The following TJP1 variants were observed in gnomAD, a reference collection of about 807,000 sequenced individuals.
The protein encoded by TJP1 is tight junction protein ZO-1.
Under a neutral mutation model 194.2 loss-of-function variants are expected in TJP1, and 43 were observed. The observed-to-expected ratio is 0.22, with a 90% confidence interval of 0.17 to 0.29. The LOEUF is 0.29. Among genes scored for constraint, TJP1 ranks in the 10% least tolerant of loss-of-function variants. The pLI is 1.00. For synonymous variants in TJP1, 801 were observed against 779.0 expected, an observed-to-expected ratio of 1.03 and a Z score of -0.47; for missense variants, 1,971 against 2,185.7, an observed-to-expected ratio of 0.90 and a Z score of 1.96.
chr15:29,864,287 T>C (rs2052221233), intron 2 of TJP1, among the ~76,000 whole-genome samples: 2 of 138,634 alleles, frequency 1.4e-5, no homozygotes, highest in Admixed American at 1.5e-4. Context: ...GGTGTGTGCC[T>C]GTAATCCCAG....
Position 29,719,193 on chromosome 15 carries a change from T to C in TJP1, c.3004-55A>G, listed in dbSNP as rs909479589. 6.8e-6 allele frequency: 10 copies of C among 1,468,560 alleles called. No individual in the cohort carries two copies. In the African/African-American group the frequency reaches 1.3e-4, roughly 19 times the overall value. The allele number at this position is 1,468,560 out of a possible 1,614,324, so 91.0% of individuals were successfully genotyped here. On this transcript the variant is annotated intron_variant, in intron 20 of 27. Coordinates refer to ENST00000614355, the MANE Select transcript of TJP1 (RefSeq NM_001330239.4). ...AGTCTTGTTTCTAATTCTAGTCTAT[T>C]TTATTAGACTGTGATTAAATATTAA...
At chr15:29,911,845 A>G (rs1326444132) in intron 2 of TJP1, among the ~76,000 whole-genome samples, 2 of 152,234 alleles carry the variant, frequency 1.3e-5, no homozygotes, top group African/African-American at 4.8e-5. Flanking sequence ...ACTAAGACTC[A>G]GGCTCTGGGA....
chr15:29,936,952 C>T (rs531828750), intron 2 of TJP1, among the ~76,000 whole-genome samples: 2 of 152,144 alleles, frequency 1.3e-5, no homozygotes, highest in Non-Finnish European at 2.9e-5. Context: ...CTTCTCCAAC[C>T]AATTTCCCAT....
At chr15:29,829,358 T>C (rs2050767944) in intron 2 of TJP1, among the ~76,000 whole-genome samples, 1 of 152,196 alleles carries the variant, frequency 6.6e-6, no homozygotes, top group South Asian at 2.1e-4. Flanking sequence ...GACATGTTAC[T>C]TTCGAGCCTC....
chr15:29,842,105 A>G (rs972619709), intron 2 of TJP1, among the ~76,000 whole-genome samples: 4 of 152,208 alleles, frequency 2.6e-5, no homozygotes, highest in Admixed American at 6.5e-5. Context: ...CTCACTTAAC[A>G]TCATTGATAG....
At position 29,750,785 on chromosome 15, in the gene TJP1, C is replaced by T. The variant is rs553270087; in HGVS notation, c.1011-8004G>A. On this transcript the variant is annotated intron_variant, in intron 8 of 27. Coordinates refer to ENST00000614355, the MANE Select transcript of TJP1 (RefSeq NM_001330239.4). ...CTTATACTACAAAAACGGATTTATA[C>T]ATACTTTTCACAAGTTCATTAATTG... 4.6e-5 allele frequency among the ~76,000 whole-genome samples: 7 copies of T among 152,312 alleles called. No individual in the cohort carries two copies. In the South Asian group the frequency reaches 6.2e-4, roughly 14 times the overall value.
At chr15:29,710,718 C>G in intron 24 of TJP1, 113 bp downstream of exon 24, 3 of 1,354,918 alleles carry the variant, frequency 2.2e-6, no homozygotes, top group Non-Finnish European at 3.1e-6. Flanking sequence ...TGTTCCCAGC[C>G]CAAAGGTTTC....
intron 2 of TJP1, among the ~76,000 whole-genome samples, chr15:29,845,105 C>T (rs1371527717): frequency 6.6e-6 from 1 of 152,114 alleles, no homozygotes; most frequent in Non-Finnish European, 1.5e-5. Context: ...AATGGATACT[C>T]CCAAGCCCTC....
intron 2 of TJP1, among the ~76,000 whole-genome samples, chr15:29,909,236 G>A (rs777641887): frequency 6.6e-6 from 1 of 151,004 alleles, no homozygotes; most frequent in Non-Finnish European, 1.5e-5. Flanking sequence ...TACTTGGGAG[G>A]CTAAGGCAGG....
intron 2 of TJP1, among the ~76,000 whole-genome samples, chr15:29,788,290 A>G (rs1288817745): frequency 6.6e-6 from 1 of 152,022 alleles, no homozygotes; most frequent in African/African-American, 2.4e-5. Flanking sequence ...TGTCCTTTGA[A>G]GCACAAAAGT....
At chr15:29,711,300 G>A (rs1003324272) in intron 23 of TJP1, among the ~76,000 whole-genome samples, 4 of 152,152 alleles carry the variant, frequency 2.6e-5, no homozygotes, top group African/African-American at 9.7e-5. Flanking sequence ...AGATAGTAAT[G>A]TTGACAGATT....
chr15:29,761,790 C>T, intron 6 of TJP1, 21 bp from the exon 7 acceptor site: 1 of 1,515,098 alleles, frequency 6.6e-7, no homozygotes, highest in South Asian at 1.3e-5. Flanking sequence ...AAATAAATTA[C>T]AGCTTGAAAG....
At chr15:29,732,984 G>T in intron 13 of TJP1, 110 bp downstream of exon 13, 1 of 1,312,428 alleles carries the variant, frequency 7.6e-7, no homozygotes, top group South Asian at 1.4e-5. Flanking sequence ...TAGATACGTT[G>T]AATACAATGA....
intron 11 of TJP1, among the ~76,000 whole-genome samples, chr15:29,736,497 T>C (rs1181778763): frequency 2.6e-5 from 4 of 152,208 alleles, no homozygotes; most frequent in Non-Finnish European, 5.9e-5. Flanking sequence ...AGAATAAATG[T>C]AGGAGCTCAC....
At chr15:29,720,145 A>C in intron 19 of TJP1, 129 bp from the exon 20 acceptor site, 1 of 1,336,282 alleles carries the variant, frequency 7.5e-7, no homozygotes, top group Non-Finnish European at 1.0e-6. Context: ...CTCATGTCCT[A>C]AACTTTTTGG....
At chr15:29,747,881 C>A (rs2044914937) in intron 8 of TJP1, among the ~76,000 whole-genome samples, 1 of 152,194 alleles carries the variant, frequency 6.6e-6, no homozygotes, top group Non-Finnish European at 1.5e-5. Context: ...TTGCTAATTA[C>A]CTTTTTGTCC....
chr15:29,926,008 C>A (rs2461657), intron 2 of TJP1, among the ~76,000 whole-genome samples: 28,846 of 152,086 alleles, frequency 0.19, 2,842 homozygotes, highest in East Asian at 0.34. Flanking sequence ...GGCCAGCAAG[C>A]CTTGGAGGGA....
chr15:29,869,795 C>CTTT (rs11318770), intron 2 of TJP1, among the ~76,000 whole-genome samples: 1,036 of 55,860 alleles, frequency 0.019, 2 homozygotes, highest in Non-Finnish European at 0.024. Flanking sequence ...TTCTTTCTTT[C>CTTT]TTTTTTTTTT....
intron 2 of TJP1, among the ~76,000 whole-genome samples, chr15:29,884,930 G>A (rs1376437540): frequency 6.6e-6 from 1 of 152,174 alleles, no homozygotes; most frequent in African/African-American, 2.4e-5. Flanking sequence ...AGATATGGAT[G>A]GACAAGGGAT....
Sources: gnomAD v4.1 joint callset for allele counts (sites outside exome capture counted in the v4.1 genomes callset) on GRCh38, gnomAD v4.1.1 for gene constraint, MANE v1.5 for transcripts, NCBI Gene and HGNC (gene_info 2026-07-23, HGNC 2026-07-21) for gene names.